Variants in PXK observed in about 807,000 individuals in gnomAD.
PXK encodes PX domain containing serine/threonine kinase like.
PXK carries 35 observed loss-of-function variants against 84.7 expected under a neutral mutation model. The ratio of observed to expected loss-of-function variants is 0.41; its 90% CI spans 0.32 to 0.55. The LOEUF (loss-of-function observed/expected upper bound fraction) is 0.55. PXK is among the 20% of genes least tolerant of loss of function. PXK has a pLI of 0.21. For synonymous variants in PXK, 253 were observed against 260.8 expected, an observed-to-expected ratio of 0.97 and a Z score of 0.29; for missense variants, 634 against 699.7, an observed-to-expected ratio of 0.91 and a Z score of 1.06.
At chr3:58,384,546 G>C (rs1004963430) in intron 4 of PXK, among the ~76,000 whole-genome samples, 2 of 152,168 alleles carry the variant, frequency 1.3e-5, no homozygotes, top group African/African-American at 4.8e-5. Flanking sequence ...TCTAGGGACA[G>C]CTTGAATTCT....
At chr3:58,357,912 T>G (rs1476178731) in intron 1 of PXK, among the ~76,000 whole-genome samples, 2 of 151,630 alleles carry the variant, frequency 1.3e-5, no homozygotes, top group African/African-American at 4.9e-5. Context: ...ATCATGCCAC[T>G]GCATGCCACT....
In PXK at chr3:58,357,340, A is replaced by AAG. The variant is rs569750853; in HGVS notation, c.103-8532_103-8531dup. 8.3e-4 allele frequency among the ~76,000 whole-genome samples: 126 copies of AAG among 151,892 alleles called. 1 individual carries two copies. Among genetic ancestry groups the AAG allele is most frequent in the Admixed American group, 2.2e-3 (34 of 15,254 alleles). Reference sequence around the variant, plus strand: ...CATTAGCCTGGGCCTACACAGTATCAAGATCATCAGTATGACTGTCTTCCA... The same window carrying AAG: ...CATTAGCCTGGGCCTACACAGTATCAAGAGATCATCAGTATGACTGTCTTCCA... On this transcript the variant is annotated intron_variant, in intron 1 of 17. Transcript: ENST00000356151.
Position 58,412,069 on chromosome 3 carries a change from G to C in PXK, c.1466-832G>C, listed in dbSNP as rs2060282534. Among the ~76,000 whole-genome samples the C allele has an allele frequency of 6.6e-6, 1 of 152,092 alleles. No individual in the cohort carries two copies. On this transcript the variant is annotated intron_variant, in intron 16 of 17. Coordinates refer to ENST00000356151, the MANE Select transcript of PXK (RefSeq NM_017771.5). The surrounding 1 kb of genome is among the most constrained non-coding windows in gnomAD (Gnocchi z 6.2). ...CAGGCGTGTGATGGCAGCCCTCTGGGTGTGTGTGCCCATCAGCCCAGAAAG... is the reference window on the plus strand; with the variant it reads ...CAGGCGTGTGATGGCAGCCCTCTGGCTGTGTGTGCCCATCAGCCCAGAAAG...
At chr3:58,376,363 C>T (rs1040299883) in intron 3 of PXK, among the ~76,000 whole-genome samples, 6 of 151,954 alleles carry the variant, frequency 3.9e-5, no homozygotes, top group African/African-American at 1.2e-4. Flanking sequence ...TGCAGTGAGC[C>T]AAGATTGTGT....
chr3:58,391,446 C>T (rs1315297744), intron 6 of PXK, among the ~76,000 whole-genome samples: 5 of 151,494 alleles, frequency 3.3e-5, no homozygotes, highest in African/African-American at 7.3e-5. Flanking sequence ...GAAACAAGAA[C>T]AGCTTAAAAT....
Position 58,333,015 on chromosome 3 carries a change from C to G in PXK, c.27C>G (p.Ala9=). The change falls in exon 1 of 18, where the codon GCC becomes GCG. Residue 9 remains alanine, a synonymous_variant. Transcript: ENST00000356151. The surrounding 1 kb of genome is among the most constrained non-coding windows in gnomAD (Gnocchi z 5.4). MAFMEKPP[A]GKVLLDDTVP... The stretch of plus-strand genomic sequence containing the variant: ...TGGCCTTCATGGAGAAGCCGCCAGC[C>G]GGCAAGGTGCTGCTGGACGACACGG... 1 of 1,369,288 alleles carries G rather than the reference C, an allele frequency of 7.3e-7. No homozygotes were observed. The highest frequency in any genetic ancestry group is 9.5e-7 in the Non-Finnish European group (1 of 1,048,432). 84.8% of individuals were successfully genotyped at this position (1,369,288 alleles called of 1,614,324 possible).
rs1209575568 is a variant in PXK at position 58,391,289 on chromosome 3, G to C, written c.540+69G>C. The C allele has an allele frequency of 2.9e-6, 4 of 1,356,034 alleles. No homozygotes were observed. In the African/African-American group the frequency reaches 5.8e-5, roughly 20 times the overall value. The allele number at this position is 1,356,034 out of a possible 1,614,324, so 84.0% of individuals were successfully genotyped here. A position where few individuals can be genotyped will look rare whatever the true frequency, so the allele number is the denominator to read the frequency against. The stretch of plus-strand genomic sequence containing the variant: ...GGGTTAATGAAAGCAGATTTGACAA[G>C]AGAATTACAAAATTGTACTGTGCTC... On this transcript the variant is annotated intron_variant, in intron 6 of 17. Transcript: ENST00000356151.
chr3:58,372,418 G>A (rs2098387325), intron 3 of PXK, among the ~76,000 whole-genome samples: 1 of 152,006 alleles, frequency 6.6e-6, no homozygotes, highest in Admixed American at 6.6e-5. Flanking sequence ...CGCCTCCCGG[G>A]TTCACCTCAT....
rs1044782474 is a variant in PXK at position 58,399,028 on chromosome 3, T to C, written c.1103-271T>C. On this transcript the variant is annotated intron_variant, in intron 11 of 17. Coordinates refer to ENST00000356151, the MANE Select transcript of PXK (RefSeq NM_017771.5). The surrounding 1 kb of genome is among the most constrained non-coding windows in gnomAD (Gnocchi z 4.3). ...AGAGAACAAACACTTTTATGAATGA[T>C]ATCTTGAATCCTTCCTCCAGTTATC... Among the ~76,000 whole-genome samples, 7 of 152,252 alleles carry C rather than the reference T, an allele frequency of 4.6e-5. No homozygotes were observed.
At chr3:58,366,024 A>G (rs1053656769) in intron 2 of PXK, 100 bp downstream of exon 2, 11 of 930,960 alleles carry the variant, frequency 1.2e-5, no homozygotes, top group Non-Finnish European at 1.1e-5. Flanking sequence ...AAATCAGAAC[A>G]TGCATAAATA....
At chr3:58,365,531 T>C (rs1435553594) in intron 1 of PXK, among the ~76,000 whole-genome samples, 3 of 152,222 alleles carry the variant, frequency 2.0e-5, no homozygotes, top group Non-Finnish European at 4.4e-5. Context: ...TTCTATATCC[T>C]AGTTGGTGTT....
At chr3:58,351,312 A>C (rs2097917994) in intron 1 of PXK, among the ~76,000 whole-genome samples, 1 of 151,596 alleles carries the variant, frequency 6.6e-6, no homozygotes, top group Admixed American at 6.6e-5. Flanking sequence ...GGCTTAAATG[A>C]TCCTTCTTGG....
In PXK at chr3:58,379,790, G is replaced by A. The variant is rs2098480852; in HGVS notation, c.202-2724G>A. Among the ~76,000 whole-genome samples, 1 of 152,016 alleles carries A rather than the reference G, an allele frequency of 6.6e-6. No individual in the cohort carries two copies. Among genetic ancestry groups the A allele is most frequent in the Non-Finnish European group, 1.5e-5 (1 of 67,994 alleles). ...TAAAGGAAATACTCTTTAAAAAAAA[G>A]AAAAGCGAAATACAAAAATTAGTCG... On this transcript the variant is annotated intron_variant, in intron 3 of 17. Transcript: ENST00000356151. This position sits in a 1 kb window ranked among gnomAD's most constrained non-coding sequence, Gnocchi z 5.1.
Position 58,421,973 on chromosome 3 carries a change from A to G in PXK, c.1529-2779A>G. On this transcript the variant is annotated intron_variant, in intron 17 of 17. Coordinates refer to ENST00000356151, the MANE Select transcript of PXK (RefSeq NM_017771.5). The surrounding 1 kb of genome is among the most constrained non-coding windows in gnomAD (Gnocchi z 5.5). ...AGGGTATTGGAGGTCTCTTGGCAGGAAGGCCTCATTCACATCTGAGGGGTG... is the reference window on the plus strand; with the variant it reads ...AGGGTATTGGAGGTCTCTTGGCAGGGAGGCCTCATTCACATCTGAGGGGTG... 1 of 985,372 alleles carries G rather than the reference A, an allele frequency of 1.0e-6. No individual in the cohort carries two copies. Among genetic ancestry groups the G allele is most frequent in the East Asian group, 1.1e-4 (1 of 8,806 alleles). The allele number at this position is 985,372 out of a possible 1,614,324, so 61.0% of individuals were successfully genotyped here.
At chr3:58,408,886 C>T (rs1339525860) in intron 13 of PXK, 38 bp from the exon 14 acceptor site, 2 of 1,459,542 alleles carry the variant, frequency 1.4e-6, no homozygotes, top group Non-Finnish European at 1.9e-6. Context: ...TCTCCAGCCA[C>T]CTTTTTCAAT....
chr3:58,358,134 G>A (rs2098122568), intron 1 of PXK, among the ~76,000 whole-genome samples: 1 of 152,156 alleles, frequency 6.6e-6, no homozygotes, highest in Non-Finnish European at 1.5e-5. Context: ...ACTTCATGTA[G>A]TTATCATTTC....
chr3:58,405,642 G>A (rs1211851460), intron 13 of PXK, among the ~76,000 whole-genome samples: 1 of 150,648 alleles, frequency 6.6e-6, no homozygotes, highest in Admixed American at 6.6e-5. Context: ...GCACACCACT[G>A]CACTCCAGCC....
chr3:58,337,801 A>T (rs550718017), intron 1 of PXK, among the ~76,000 whole-genome samples: 1 of 152,212 alleles, frequency 6.6e-6, no homozygotes, highest in African/African-American at 2.4e-5. Context: ...CATAAAACAG[A>T]TGGTTTTAGT....
In PXK at chr3:58,401,636, C is replaced by A. The variant is rs1195770516; in HGVS notation, c.1182-2226C>A. 6.7e-6 allele frequency among the ~76,000 whole-genome samples: 1 copy of A among 150,324 alleles called. No homozygotes were observed. Among genetic ancestry groups the A allele is most frequent in the East Asian group, 2.0e-4 (1 of 5,050 alleles). On this transcript the variant is annotated intron_variant, in intron 12 of 17. Coordinates refer to ENST00000356151, the MANE Select transcript of PXK (RefSeq NM_017771.5). This position sits in a 1 kb window ranked among gnomAD's most constrained non-coding sequence, Gnocchi z 4.4. Reference sequence around the variant, plus strand: ...GTAAGACCCTGTCTCAAAAATAAAACAAAGTGAGGGGCAGGCGTGGTGGCT... The same window carrying A: ...GTAAGACCCTGTCTCAAAAATAAAAAAAAGTGAGGGGCAGGCGTGGTGGCT...
Sources: gnomAD v4.1 joint callset for allele counts (sites outside exome capture counted in the v4.1 genomes callset) on GRCh38, gnomAD v4.1.1 for gene constraint, Gnocchi (gnomAD v3.1) non-coding constraint, MANE v1.5 for transcripts, NCBI Gene and HGNC (gene_info 2026-07-23, HGNC 2026-07-21) for gene names.